The following ATF7 variants were observed in gnomAD, a reference collection of about 807,000 sequenced individuals.
ATF7 encodes activating transcription factor 7, also known as cyclic AMP-dependent transcription factor ATF-7.
ATF7 carries 10 observed loss-of-function variants against 50.4 expected under a neutral mutation model. The observed-to-expected ratio is 0.20, with a 90% CI of 0.12 to 0.34. The LOEUF is 0.34. Ranked by LOEUF, ATF7 falls within the 10% of genes least tolerant of loss-of-function variation. ATF7 has a pLI of 1.00. For missense variants in ATF7, 465 were observed against 613.9 expected (o/e 0.76, Z 2.56); for synonymous variants, 201 against 226.4 (o/e 0.89, Z 1.01).
chr12:53,589,472 C>T (rs1565983217), intron 2 of ATF7, among the ~76,000 whole-genome samples: 1 of 152,098 alleles, frequency 6.6e-6, no homozygotes. Context: ...TTTCCTGTAC[C>T]TTATATAAAC....
rs1938248173 is a variant in ATF7, at chr12:53,523,501, G to A, written c.1126-117C>T. ...GCCTCGATTTTCTCCCCTGAATTGG[G>A]ACAAGACTCCTGATCCAGCAAGGCT... On this transcript the variant is annotated intron_variant, in intron 10 of 11. Transcript: ENST00000420353. 1.2e-5 allele frequency: 9 copies of A among 727,304 alleles called. No individual in the cohort carries two copies. In the South Asian group the frequency reaches 1.3e-4, roughly 11 times the overall value. The allele number at this position is 727,304 out of a possible 1,614,324, so 45.1% of individuals were successfully genotyped here.
intron 9 of ATF7, 118 bp downstream of exon 9, chr12:53,531,626 G>C: frequency 8.7e-7 from 1 of 1,148,118 alleles, no homozygotes; most frequent in Non-Finnish European, 1.2e-6. Flanking sequence ...ACCAAAGTAA[G>C]CAGGAAGAAA....
chr12:53,571,382 T>C (rs1221753864), intron 2 of ATF7, among the ~76,000 whole-genome samples: 1 of 152,136 alleles, frequency 6.6e-6, no homozygotes, highest in Non-Finnish European at 1.5e-5. Flanking sequence ...ACATATTATC[T>C]TTTCATAATT....
At chr12:53,586,638 T>C (rs1442136965) in intron 2 of ATF7, among the ~76,000 whole-genome samples, 6 of 152,228 alleles carry the variant, frequency 3.9e-5, no homozygotes, top group African/African-American at 1.4e-4. Context: ...CATTAAAATG[T>C]AGTCTTCATC....
chr12:53,560,796 G>A (rs893641942), intron 2 of ATF7, among the ~76,000 whole-genome samples: 7 of 152,120 alleles, frequency 4.6e-5, no homozygotes, highest in African/African-American at 1.2e-4. Context: ...ACAAGGAACT[G>A]AGTTTACATT....
chr12:53,613,161 C>G (rs1943973544), intron 1 of ATF7, among the ~76,000 whole-genome samples: 1 of 152,244 alleles, frequency 6.6e-6, no homozygotes, highest in African/African-American at 2.4e-5. Flanking sequence ...GAAACTATCA[C>G]TTTTCAGATT....
chr12:53,534,682 T>C (rs751919041), intron 5 of ATF7, 23 bp from the exon 6 acceptor site: 13 of 1,605,804 alleles, frequency 8.1e-6, no homozygotes, highest in Non-Finnish European at 1.1e-5. Flanking sequence ...AACCAACAGA[T>C]CACAAAATGT....
At chr12:53,564,395 A>G (rs1193479318) in intron 2 of ATF7, among the ~76,000 whole-genome samples, 3 of 152,100 alleles carry the variant, frequency 2.0e-5, no homozygotes, top group Non-Finnish European at 4.4e-5. Flanking sequence ...ACTAAACTCA[A>G]CTAAAATACC....
chr12:53,534,152 C>G (rs1425760069), intron 6 of ATF7, among the ~76,000 whole-genome samples: 2 of 152,078 alleles, frequency 1.3e-5, no homozygotes, highest in African/African-American at 4.8e-5. Flanking sequence ...TTGCAGGCGC[C>G]TGTGTTCCCA....
At chr12:53,546,047 C>T (rs1324729910) in intron 3 of ATF7, among the ~76,000 whole-genome samples, 1 of 152,082 alleles carries the variant, frequency 6.6e-6, no homozygotes, top group Non-Finnish European at 1.5e-5. Context: ...ACAAAATTAG[C>T]CAGGCATGGT....
chr12:53,532,503 TACTCAC>T lies in ATF7; in HGVS notation c.774+1_774+6del. ...GCCAACATTGCCCCAGACTGGGATG[TACTCAC>T]CATCTTGGCTTCTGATGGTATAGGG... On this transcript the variant is annotated splice_donor_variant and splice_donor_5th_base_variant and intron_variant, in intron 8 of 11. Transcript: ENST00000420353. LOFTEE classifies it high-confidence loss of function. 1 of 1,571,836 alleles carries T rather than the reference TACTCAC, an allele frequency of 6.4e-7. No homozygotes were observed. The highest frequency in any genetic ancestry group is 8.7e-7 in the Non-Finnish European group (1 of 1,152,142).
Position 53,534,669 on chromosome 12 carries a change from A to G in ATF7, c.403-10T>C, listed in dbSNP as rs760327590. ...GCTTTGGGGTAACCTCCTGGAGAAA[A>G]GAAACCAACAGATCACAAAATGTTT... On this transcript the variant is annotated splice_polypyrimidine_tract_variant and intron_variant, in intron 5 of 11. Transcript: ENST00000420353. 2.5e-6 allele frequency: 4 copies of G among 1,608,284 alleles called. No individual in the cohort carries two copies. Among genetic ancestry groups the G allele is most frequent in the Admixed American group, 3.5e-5 (2 of 57,790 alleles).
chr12:53,531,290 T>C (rs913975109), intron 9 of ATF7, among the ~76,000 whole-genome samples: 1 of 151,622 alleles, frequency 6.6e-6, no homozygotes, highest in African/African-American at 2.4e-5. Context: ...GCCATGGTGG[T>C]GGGTGCCTGT....
At chr12:53,597,623 C>A (rs1407434094) in intron 2 of ATF7, among the ~76,000 whole-genome samples, 5 of 152,046 alleles carry the variant, frequency 3.3e-5, no homozygotes, top group South Asian at 2.1e-4. Context: ...TCCTGGCTAA[C>A]ACGGTGAAAC....
chr12:53,574,568 G>A (rs1207384701), intron 2 of ATF7: 1 of 153,220 alleles, frequency 6.5e-6, no homozygotes, highest in Non-Finnish European at 1.5e-5. Flanking sequence ...ACATAGCCGT[G>A]CTGCTCAGAG....
intron 1 of ATF7, among the ~76,000 whole-genome samples, chr12:53,613,538 T>G (rs1943985703): frequency 6.6e-6 from 1 of 152,120 alleles, no homozygotes; most frequent in Non-Finnish European, 1.5e-5. Context: ...TTATTTTTTC[T>G]GAGACAGGGT....
intron 9 of ATF7, among the ~76,000 whole-genome samples, chr12:53,526,030 G>A (rs1335325856): frequency 6.6e-6 from 1 of 151,884 alleles, no homozygotes; most frequent in Non-Finnish European, 1.5e-5. Flanking sequence ...GACCAACATG[G>A]AGAAACCCCA....
intron 7 of ATF7, among the ~76,000 whole-genome samples, 160 bp from the exon 8 acceptor site, chr12:53,532,783 T>C (rs980167464): frequency 2.6e-5 from 4 of 152,208 alleles, no homozygotes; most frequent in Non-Finnish European, 5.9e-5. Context: ...GGAAATACCT[T>C]TCTCCATGGA....
At chr12:53,554,225 T>C (rs1940565095) in intron 2 of ATF7, among the ~76,000 whole-genome samples, 1 of 152,310 alleles carries the variant, frequency 6.6e-6, no homozygotes, top group African/African-American at 2.4e-5. Flanking sequence ...CTGCTGCCCA[T>C]GTTCAAGCAA....
Sources: allele counts gnomAD v4.1 joint callset (sites outside exome capture counted in the v4.1 genomes callset), GRCh38; gene constraint gnomAD v4.1.1; transcripts MANE v1.5; gene names NCBI Gene and HGNC (gene_info 2026-07-23, HGNC 2026-07-21).